SOX5: variants seen among roughly 807,000 people sequenced by gnomAD.
SOX5 encodes the protein SRY-box transcription factor 5.
In SOX5, 9 loss-of-function variants were observed where a neutral mutation model predicts 92.0. That is an observed-to-expected ratio of 0.10 (90% CI 0.06 to 0.17). The LOEUF (loss-of-function observed/expected upper bound fraction) is 0.17. Ranked by LOEUF, SOX5 falls within the 10% of genes least tolerant of loss-of-function variation. SOX5 has a pLI of 1.00. For synonymous variants in SOX5, 344 were observed against 336.3 expected, an observed-to-expected ratio of 1.02 and a Z score of -0.25; for missense variants, 642 against 944.5, an observed-to-expected ratio of 0.68 and a Z score of 4.20.
chr12:23,825,618 C>T (rs2096216924), intron 3 of SOX5, among the ~76,000 whole-genome samples: 1 of 152,126 alleles, frequency 6.6e-6, no homozygotes, highest in Admixed American at 6.5e-5. Context: ...ACAGAGTTGG[C>T]AAAATTTTGT....
At chr12:23,855,881 T>G (rs1050685056) in intron 2 of SOX5, among the ~76,000 whole-genome samples, 3 of 152,092 alleles carry the variant, frequency 2.0e-5, no homozygotes, top group Non-Finnish European at 1.5e-5. Context: ...GCCACCACAC[T>G]AGTCTTCCCT....
chr12:23,950,545 C>T (rs10505917), upstream of SOX5, among the ~76,000 whole-genome samples: 79,876 of 151,922 alleles, frequency 0.53, 23,621 homozygotes, highest in Non-Finnish European at 0.68. Context: ...CATACACGAG[C>T]GAACAAAAAC....
intron 2 of SOX5, among the ~76,000 whole-genome samples, chr12:24,343,239 A>AT (rs1952782598): frequency 6.6e-6 from 1 of 152,038 alleles, no homozygotes; most frequent in South Asian, 2.1e-4. Flanking sequence ...GCCTGTAACA[A>AT]TTCTCTACAG....
At chr12:24,259,245 C>CGA (rs149758171) in intron 3 of SOX5, among the ~76,000 whole-genome samples, 4 of 151,822 alleles carry the variant, frequency 2.6e-5, no homozygotes, top group South Asian at 2.1e-4. Context: ...AGCAAGTGAG[C>CGA]GAGAGAGAGA....
At chr12:23,788,357 G>A (rs749937167) in intron 3 of SOX5, among the ~76,000 whole-genome samples, 3 of 151,822 alleles carry the variant, frequency 2.0e-5, no homozygotes, top group East Asian at 1.9e-4. Flanking sequence ...CAAATCAGTC[G>A]CACAGAAACA....
intron 4 of SOX5, among the ~76,000 whole-genome samples, chr12:24,190,780 A>G (rs983379457): frequency 2.6e-5 from 4 of 152,232 alleles, no homozygotes; most frequent in Non-Finnish European, 5.9e-5. Flanking sequence ...TCAATTTAAG[A>G]TGCATCCCAA....
intron 3 of SOX5, among the ~76,000 whole-genome samples, chr12:23,764,534 T>C (rs2094652967): frequency 1.3e-5 from 2 of 152,120 alleles, no homozygotes; most frequent in African/African-American, 2.4e-5. Context: ...GAGCAACTTA[T>C]ATATGCCTAC....
intron 1 of SOX5, among the ~76,000 whole-genome samples, chr12:24,542,185 G>A (rs183560721): frequency 1.3e-4 from 20 of 152,090 alleles, no homozygotes; most frequent in Admixed American, 9.8e-4. Context: ...CTTCTTTTCT[G>A]TGCCCTGGCC....
intron 8 of SOX5, among the ~76,000 whole-genome samples, chr12:23,623,237 T>C (rs925652443): frequency 2.0e-5 from 3 of 152,160 alleles, no homozygotes; most frequent in Admixed American, 1.3e-4. Context: ...TCCTAACATA[T>C]GAACAGTAGA....
chr12:24,447,947 A>G (rs1368725092), intron 1 of SOX5, among the ~76,000 whole-genome samples: 10 of 152,084 alleles, frequency 6.6e-5, no homozygotes. Flanking sequence ...TTGGGTGGCC[A>G]AGGCGGGTAG....
intron 1 of SOX5, among the ~76,000 whole-genome samples, chr12:23,937,572 AATATAACCTATTCC>A (rs1942847511): frequency 1.3e-5 from 2 of 150,976 alleles, no homozygotes; most frequent in African/African-American, 4.8e-5. Flanking sequence ...CAGATTCAGG[AATATAACCTATTCC>A]TAAAGCAAAC....
At chr12:23,767,506 G>A (rs905304313) in intron 3 of SOX5, among the ~76,000 whole-genome samples, 5 of 152,038 alleles carry the variant, frequency 3.3e-5, no homozygotes, top group Non-Finnish European at 5.9e-5. Context: ...ACTCTTTAAG[G>A]GAATGGCAGG....
chr12:24,071,066 C>G (rs749262761), intron 4 of SOX5, among the ~76,000 whole-genome samples: 1 of 152,160 alleles, frequency 6.6e-6, no homozygotes, highest in Non-Finnish European at 1.5e-5. Context: ...AGAAGACTGG[C>G]GTTTCTGTCC....
At chr12:23,614,280 C>T (rs2137846386) in intron 8 of SOX5, among the ~76,000 whole-genome samples, 1 of 152,282 alleles carries the variant, frequency 6.6e-6, no homozygotes, top group South Asian at 2.1e-4. Flanking sequence ...TGTTTATTAG[C>T]ATTTAAGACT....
intron 4 of SOX5, among the ~76,000 whole-genome samples, chr12:24,178,244 CTTTT>C (rs5797065): frequency 6.7e-4 from 73 of 109,544 alleles, no homozygotes; most frequent in Middle Eastern, 4.9e-3. Flanking sequence ...AAGAGCTTGA[CTTTT>C]TTTTTTTTTT....
intron 1 of SOX5, among the ~76,000 whole-genome samples, chr12:24,548,737 C>T (rs1239381764): frequency 6.6e-6 from 1 of 152,180 alleles, no homozygotes; most frequent in Non-Finnish European, 1.5e-5. Flanking sequence ...AACACTACTG[C>T]TATAGTCCAA....
chr12:24,176,756 G>A lies in SOX5; in HGVS notation c.-2+36587C>T, dbSNP rs1001171148. ...AGGGGCAAAGATGTGGTGGCGAAGTGGAAGTCCAAGAGAATCTTGAACTTA... is the reference window on the plus strand; with the variant it reads ...AGGGGCAAAGATGTGGTGGCGAAGTAGAAGTCCAAGAGAATCTTGAACTTA... On this transcript the variant is annotated intron_variant, in intron 4 of 4. Transcript: ENST00000446891. Among the ~76,000 whole-genome samples the A allele has an allele frequency of 1.6e-4, 24 of 152,270 alleles. No homozygotes were observed. The Middle Eastern group carries it at 0.01, about 65-fold the overall frequency.
At chr12:23,967,664 A>T (rs1032363274) in intron 4 of SOX5, among the ~76,000 whole-genome samples, 2 of 152,174 alleles carry the variant, frequency 1.3e-5, no homozygotes, top group Non-Finnish European at 2.9e-5. Context: ...TTGTGAGATG[A>T]TAGTTAGTGT....
chr12:24,454,227 TAG>T (rs1341623159), intron 1 of SOX5, among the ~76,000 whole-genome samples: 1 of 152,196 alleles, frequency 6.6e-6, no homozygotes, highest in African/African-American at 2.4e-5. Flanking sequence ...GAGGAGAGAA[TAG>T]AGATTGTCTT....
Sources: allele counts gnomAD v4.1 joint callset (sites outside exome capture counted in the v4.1 genomes callset), GRCh38; gene constraint gnomAD v4.1.1; transcripts MANE v1.5; gene names NCBI Gene and HGNC (gene_info 2026-07-23, HGNC 2026-07-21).